The following SCN8A variants were observed in gnomAD, a reference collection of about 807,000 sequenced individuals.
The protein encoded by SCN8A is sodium channel protein type 8 subunit alpha.
Under a neutral mutation model 184.1 loss-of-function variants are expected in SCN8A, and 30 were observed. That is an observed-to-expected ratio of 0.16 (90% CI 0.12 to 0.22). The LOEUF is 0.22. SCN8A is among the 10% of genes least tolerant of loss of function. SCN8A has a pLI of 1.00. For synonymous variants in SCN8A, 852 were observed against 907.0 expected, an observed-to-expected ratio of 0.94 and a Z score of 1.09; for missense variants, 1,057 against 2,498.9, an observed-to-expected ratio of 0.42 and a Z score of 12.30.
chr12:51,728,285 A>T (rs1376883639), intron 12 of SCN8A, among the ~76,000 whole-genome samples: 2 of 152,238 alleles, frequency 1.3e-5, no homozygotes, highest in African/African-American at 2.4e-5. Context: ...GTAAAAAAAT[A>T]GAACGTTGAC....
At chr12:51,762,984 T>C (rs1425599169) in intron 15 of SCN8A, among the ~76,000 whole-genome samples, 2 of 152,062 alleles carry the variant, frequency 1.3e-5, no homozygotes, top group East Asian at 3.9e-4. Flanking sequence ...ATGAAGAAAA[T>C]GAACTCCCCC....
At chr12:51,693,816 C>G (rs921966068) in intron 6 of SCN8A, among the ~76,000 whole-genome samples, 1 of 152,192 alleles carries the variant, frequency 6.6e-6, no homozygotes, top group Admixed American at 6.5e-5. Context: ...CTACTGAGGC[C>G]TGTTTCAATA....
chr12:51,685,131 T>G (rs1482015786), intron 3 of SCN8A, among the ~76,000 whole-genome samples: 3 of 152,218 alleles, frequency 2.0e-5, no homozygotes, highest in Non-Finnish European at 4.4e-5. Context: ...TTGTGAAATC[T>G]GTAGTTTAGA....
rs1942827683 is a variant in SCN8A, at chr12:51,765,684, A to C, written c.2558A>C (p.Lys853Thr). 1 of 1,576,652 alleles carries C rather than the reference A, an allele frequency of 6.3e-7. No individual in the cohort carries two copies. Among genetic ancestry groups the C allele is most frequent in the African/African-American group, 1.4e-5 (1 of 73,660 alleles). The change falls in exon 16 of 27, where the codon AAA (lysine) becomes ACA (threonine). Residue 853 changes from lysine to threonine, a missense_variant. Physicochemically the swap from Lys to Thr is moderately conservative, Grantham distance 78 (BLOSUM62 -1). This residue lies in a region of SCN8A where 66 missense variants were observed against 310.6 expected (regional missense o/e 0.21). Transcript: ENST00000627620. ...LRSFRLLRVF[K>T]LAKSWPTLNM... The stretch of plus-strand genomic sequence containing the variant: ...TTTTTTCCTTAGCTCCGAGTCTTCA[A>C]ATTGGCCAAATCCTGGCCCACCCTG...
intron 12 of SCN8A, among the ~76,000 whole-genome samples, chr12:51,735,155 G>T (rs1475588007): frequency 6.6e-6 from 1 of 152,142 alleles, no homozygotes; most frequent in Non-Finnish European, 1.5e-5. Flanking sequence ...ATACCACCAT[G>T]GTTCCAGATA....
At chr12:51,744,374 A>G (rs1229420711) in intron 12 of SCN8A, among the ~76,000 whole-genome samples, 3 of 152,192 alleles carry the variant, frequency 2.0e-5, no homozygotes, top group Non-Finnish European at 2.9e-5. Context: ...AAACCACAAT[A>G]CAAAGTCCTT....
intron 11 of SCN8A, among the ~76,000 whole-genome samples, chr12:51,716,062 A>C (rs1302611507): frequency 3.3e-5 from 5 of 152,224 alleles, no homozygotes; most frequent in African/African-American, 1.2e-4. Context: ...GGCTGGATAC[A>C]GTGACTCACG....
rs945977796 is a variant in SCN8A, at chr12:51,747,808, T to C, written c.2131+1773T>C. ...TTTTCTGCCTCTTCTCCCTGTTCTTTCTCTTTCTGTCCTGCTGTGCTTATT... is the reference window on the plus strand; with the variant it reads ...TTTTCTGCCTCTTCTCCCTGTTCTTCCTCTTTCTGTCCTGCTGTGCTTATT... On this transcript the variant is annotated intron_variant, in intron 13 of 26. Transcript: ENST00000627620. 2.7e-5 allele frequency among the ~76,000 whole-genome samples: 4 copies of C among 150,756 alleles called. No individual in the cohort carries two copies. The East Asian group carries it at 5.8e-4, about 22-fold the overall frequency.
chr12:51,605,552 C>G (rs1320134151), intron 1 of SCN8A, among the ~76,000 whole-genome samples: 2 of 152,324 alleles, frequency 1.3e-5, no homozygotes, highest in Non-Finnish European at 2.9e-5. Flanking sequence ...CTGCTATAAA[C>G]ATGTGTGTGC....
intron 12 of SCN8A, among the ~76,000 whole-genome samples, chr12:51,726,975 T>C (rs1212274956): frequency 6.6e-6 from 1 of 152,220 alleles, no homozygotes; most frequent in East Asian, 1.9e-4. Context: ...AAGTTTTAAT[T>C]CCAAGAAAGG....
intron 2 of SCN8A, among the ~76,000 whole-genome samples, chr12:51,665,504 T>C (rs1592365488): frequency 1.3e-5 from 2 of 152,344 alleles, no homozygotes. Flanking sequence ...ACTAACAGCA[T>C]GTCAAGAAAG....
At chr12:51,661,739 C>G (rs1940929241) in intron 1 of SCN8A, among the ~76,000 whole-genome samples, 1 of 152,194 alleles carries the variant, frequency 6.6e-6, no homozygotes, top group South Asian at 2.1e-4. Flanking sequence ...AGTAAACTTA[C>G]CTGCTCAGGT....
At chr12:51,694,082 G>A (rs1227805442) in intron 6 of SCN8A, among the ~76,000 whole-genome samples, 2 of 152,090 alleles carry the variant, frequency 1.3e-5, no homozygotes, top group South Asian at 2.1e-4. Context: ...ACAAGCATGC[G>A]CCACAACGCC....
chr12:51,694,161 G>A (rs1348644365), intron 6 of SCN8A, among the ~76,000 whole-genome samples: 2 of 152,170 alleles, frequency 1.3e-5, no homozygotes, highest in Non-Finnish European at 2.9e-5. Context: ...TTGAACTCCT[G>A]ACCTCAGGTG....
At chr12:51,717,296 G>A (rs1192200082) in intron 11 of SCN8A, among the ~76,000 whole-genome samples, 1 of 152,156 alleles carries the variant, frequency 6.6e-6, no homozygotes, top group African/African-American at 2.4e-5. Context: ...TTAGAGCAGT[G>A]TTTCTCAAGT....
chr12:51,624,097 C>T (rs1462216481), intron 1 of SCN8A, among the ~76,000 whole-genome samples: 1 of 152,140 alleles, frequency 6.6e-6, no homozygotes, highest in South Asian at 2.1e-4. Context: ...TTTATAGCAG[C>T]ATGATTTATA....
chr12:51,781,156 G>A (rs926581770), intron 21 of SCN8A, among the ~76,000 whole-genome samples: 16 of 152,200 alleles, frequency 1.1e-4, no homozygotes, highest in African/African-American at 3.4e-4. Flanking sequence ...GGCAGGGAGA[G>A]TGCTGTGTAG....
At chr12:51,683,212 G>C (rs1941364991) in intron 2 of SCN8A, among the ~76,000 whole-genome samples, 1 of 152,182 alleles carries the variant, frequency 6.6e-6, no homozygotes, top group Non-Finnish European at 1.5e-5. Flanking sequence ...GTTTTATTCA[G>C]TGTTGTGTCC....
chr12:51,712,747 C>T (rs1941900978), intron 11 of SCN8A: 3 of 1,133,334 alleles, frequency 2.6e-6, no homozygotes, highest in Admixed American at 1.7e-5. Context: ...ACCATAGCCC[C>T]CTCTACTACT....
Sources: allele counts gnomAD v4.1 joint callset (sites outside exome capture counted in the v4.1 genomes callset), GRCh38; gene constraint gnomAD v4.1.1; regional missense constraint gnomAD v4.1.1; transcripts MANE v1.5; gene names NCBI Gene and HGNC (gene_info 2026-07-23, HGNC 2026-07-21).